ITGA1: variants seen among roughly 807,000 people sequenced by gnomAD.
The protein encoded by ITGA1 is integrin alpha-1.
ITGA1 carries 85 observed loss-of-function variants against 145.9 expected under a neutral mutation model. That is an observed-to-expected ratio of 0.58 (90% confidence interval 0.49 to 0.70). ITGA1 has a LOEUF of 0.70. Among genes scored for constraint, ITGA1 ranks in the 30% least tolerant of loss-of-function variants. ITGA1 has a pLI of 0.00. For missense variants in ITGA1, 1,351 were observed against 1,418.7 expected (o/e 0.95, Z 0.77); for synonymous variants, 520 against 495.3 (o/e 1.05, Z -0.66).
chr5:52,875,683 T>C (rs970179488), intron 6 of ITGA1, among the ~76,000 whole-genome samples: 5 of 152,166 alleles, frequency 3.3e-5, no homozygotes, highest in Admixed American at 6.6e-5. Flanking sequence ...CTCTTTACAA[T>C]CTCTGGGAAA....
At chr5:52,952,277 T>C (rs193290540) in intron 28 of ITGA1, 130 bp from the exon 29 acceptor site, 13 of 460,954 alleles carry the variant, frequency 2.8e-5, no homozygotes, top group Non-Finnish European at 4.0e-5. Flanking sequence ...TGAGAAAATA[T>C]TTCTTAATTA....
At chr5:52,912,778 G>A (rs563039780) in intron 14 of ITGA1, among the ~76,000 whole-genome samples, 18 of 143,254 alleles carry the variant, frequency 1.3e-4, no homozygotes, top group African/African-American at 3.2e-4. Flanking sequence ...ACGGAGTCTC[G>A]CTCTGTCGCC....
rs551029646 is a variant in ITGA1 at position 52,853,960 on chromosome 5, T to G, written c.182+4475T>G. On this transcript the variant is annotated intron_variant, in intron 2 of 28. Coordinates refer to ENST00000282588, the MANE Select transcript of ITGA1 (RefSeq NM_181501.2). ...CAGGTCTCAGCCGAACGGGAAAATG[T>G]GAGATGTCTGTTTGGGGCTTTCCAC... Among the ~76,000 whole-genome samples, 3 of 152,206 alleles carry G rather than the reference T, an allele frequency of 2.0e-5. No homozygotes were observed. The South Asian group carries it at 6.2e-4, about 32-fold the overall frequency.
chr5:52,817,831 G>T (rs778744603), intron 1 of ITGA1, among the ~76,000 whole-genome samples: 3 of 152,148 alleles, frequency 2.0e-5, no homozygotes, highest in Admixed American at 6.6e-5. Flanking sequence ...GTTTGCTTCA[G>T]TGAAATTTAG....
chr5:52,861,691 C>T (rs976315688), intron 3 of ITGA1, 132 bp downstream of exon 3: 7 of 621,254 alleles, frequency 1.1e-5, no homozygotes, highest in South Asian at 3.9e-5. Context: ...GGCAACCTGA[C>T]GAAACCTCAT....
intron 1 of ITGA1, among the ~76,000 whole-genome samples, chr5:52,817,089 C>T (rs1296683333): frequency 6.6e-6 from 1 of 152,176 alleles, no homozygotes; most frequent in Admixed American, 6.5e-5. Context: ...TCAATGCTAT[C>T]CACTAAGAAA....
intron 24 of ITGA1, among the ~76,000 whole-genome samples, chr5:52,938,050 C>A (rs1382140216): frequency 6.6e-6 from 1 of 152,080 alleles, no homozygotes; most frequent in African/African-American, 2.4e-5. Context: ...TGCAAAGACC[C>A]TATTTCCAAG....
chr5:52,954,846 C>T lies in ITGA1; in HGVS notation c.*2395C>T, dbSNP rs1042526572. 5 of 151,654 alleles carry T rather than the reference C, an allele frequency of 3.3e-5. No homozygotes were observed. Among genetic ancestry groups the T allele is most frequent in the Non-Finnish European group, 7.4e-5 (5 of 67,932 alleles). 9.4% of individuals were successfully genotyped at this position (151,654 alleles called of 1,614,324 possible). A position where few individuals can be genotyped will look rare whatever the true frequency, so the allele number is the denominator to read the frequency against. ...AATTATTTAAAAAACAAGTACAGAG[C>T]GTTTGATTAAAAAAAGTCAACAAAT... On this transcript the variant is annotated 3_prime_UTR_variant, in exon 29 of 29. Transcript: ENST00000282588.
chr5:52,803,011 T>G (rs1160616664), intron 1 of ITGA1: 1 of 152,240 alleles, frequency 6.6e-6, no homozygotes, highest in Non-Finnish European at 1.5e-5. Flanking sequence ...CTTGACCTTT[T>G]GCAAACCTCA....
At chr5:52,898,427 A>AT in intron 11 of ITGA1, 44 bp downstream of exon 11, 2 of 1,488,092 alleles carry the variant, frequency 1.3e-6, no homozygotes, top group Non-Finnish European at 1.8e-6. Context: ...TTACTTTTCC[A>AT]TTTTTTACCT....
At chr5:52,878,365 G>C (rs1297942959) in intron 6 of ITGA1, among the ~76,000 whole-genome samples, 1 of 152,186 alleles carries the variant, frequency 6.6e-6, no homozygotes, top group African/African-American at 2.4e-5. Flanking sequence ...TGGATAGATG[G>C]ATGATAGAGA....
intron 1 of ITGA1, among the ~76,000 whole-genome samples, chr5:52,831,516 T>C (rs551342932): frequency 5.0e-5 from 7 of 139,296 alleles, no homozygotes; most frequent in African/African-American, 1.9e-4. Context: ...ACCTCTTTAT[T>C]GATTAAATAG....
chr5:52,929,471 T>A (rs1235525314), intron 20 of ITGA1, among the ~76,000 whole-genome samples, 154 bp from the exon 21 acceptor site: 1 of 152,224 alleles, frequency 6.6e-6, no homozygotes, highest in South Asian at 2.1e-4. Context: ...TGTTATTCTA[T>A]CTATTTTGAG....
intron 1 of ITGA1, among the ~76,000 whole-genome samples, chr5:52,846,471 G>T (rs1347155953): frequency 6.6e-6 from 1 of 152,152 alleles, no homozygotes; most frequent in African/African-American, 2.4e-5. Flanking sequence ...GTACACTAAA[G>T]CTATTGTATT....
intron 1 of ITGA1, among the ~76,000 whole-genome samples, chr5:52,820,174 C>T (rs1748853306): frequency 6.6e-6 from 1 of 151,728 alleles, no homozygotes; most frequent in Non-Finnish European, 1.5e-5. Context: ...ACATATACAC[C>T]ATGGAATACT....
intron 6 of ITGA1, among the ~76,000 whole-genome samples, chr5:52,871,320 A>G (rs1223890002): frequency 6.6e-6 from 1 of 152,226 alleles, no homozygotes; most frequent in African/African-American, 2.4e-5. Context: ...AAAACTAAGA[A>G]TAAAAAAAAG....
At chr5:52,804,521 TA>T (rs2111672997) in intron 1 of ITGA1, among the ~76,000 whole-genome samples, 1 of 152,304 alleles carries the variant, frequency 6.6e-6, no homozygotes, top group Non-Finnish European at 1.5e-5. Context: ...GCCACTAGAG[TA>T]GCTTTGTAAA....
intron 3 of ITGA1, among the ~76,000 whole-genome samples, chr5:52,863,566 C>T (rs1235744221): frequency 1.3e-5 from 2 of 152,080 alleles, no homozygotes; most frequent in African/African-American, 4.8e-5. Context: ...GTATGGATTC[C>T]CCTCCATTTT....
intron 1 of ITGA1, among the ~76,000 whole-genome samples, chr5:52,812,644 T>C (rs1192490417): frequency 6.6e-6 from 1 of 152,180 alleles, no homozygotes; most frequent in Non-Finnish European, 1.5e-5. Context: ...ATTCTCAAAC[T>C]TAGCTTTGTG....
Sources: gnomAD v4.1 joint callset for allele counts (sites outside exome capture counted in the v4.1 genomes callset) on GRCh38, gnomAD v4.1.1 for gene constraint, MANE v1.5 for transcripts, NCBI Gene and HGNC (gene_info 2026-07-23, HGNC 2026-07-21) for gene names.